NAALADL2: variants seen among roughly 807,000 people sequenced by gnomAD.
NAALADL2 encodes inactive N-acetylated-alpha-linked acidic dipeptidase-like protein 2.
Under a neutral mutation model 87.2 loss-of-function variants are expected in NAALADL2, and 76 were observed. The observed-to-expected ratio is 0.87, with a 90% CI of 0.72 to 1.05. NAALADL2 has a LOEUF of 1.05. NAALADL2 is among the 50% of genes least tolerant of loss of function. The pLI, the probability that NAALADL2 is intolerant of heterozygous loss-of-function variation, is 0.00. For missense variants in NAALADL2, 1,089 were observed against 945.8 expected (o/e 1.15, Z -1.99); for synonymous variants, 354 against 331.0 (o/e 1.07, Z -0.75).
intron 9 of NAALADL2, among the ~76,000 whole-genome samples, chr3:175,517,756 A>G (rs1732062412): frequency 6.6e-6 from 1 of 151,986 alleles, no homozygotes; most frequent in East Asian, 1.9e-4. Flanking sequence ...AAGAAAGATA[A>G]AGGAAAACGG....
chr3:174,954,580 T>C (rs1187076202), intron 1 of NAALADL2, among the ~76,000 whole-genome samples: 1 of 152,118 alleles, frequency 6.6e-6, no homozygotes, highest in African/African-American at 2.4e-5. Context: ...GTGTTTACAG[T>C]GAGACATATT....
chr3:175,481,648 C>T (rs1299679353), intron 9 of NAALADL2, among the ~76,000 whole-genome samples: 1 of 151,934 alleles, frequency 6.6e-6, no homozygotes, highest in Non-Finnish European at 1.5e-5. Flanking sequence ...CATACACAAG[C>T]ATGTTCAGGA....
At chr3:175,353,440 A>G (rs17205173) in intron 5 of NAALADL2, among the ~76,000 whole-genome samples, 16,726 of 152,256 alleles carry the variant, frequency 0.11, 1,202 homozygotes, top group Non-Finnish European at 0.16. Context: ...CAAAATCCTT[A>G]AAACCTAAAG....
chr3:175,221,253 G>T (rs1250401355), intron 2 of NAALADL2, among the ~76,000 whole-genome samples: 2 of 150,608 alleles, frequency 1.3e-5, no homozygotes, highest in African/African-American at 2.4e-5. Context: ...AGACTTATTG[G>T]TTATTTAGAA....
At chr3:175,784,459 C>A (rs1576817499) in intron 13 of NAALADL2, among the ~76,000 whole-genome samples, 1 of 140,544 alleles carries the variant, frequency 7.1e-6, no homozygotes, top group East Asian at 2.1e-4. Context: ...GGAATTTATC[C>A]ATTTCTTCTA....
intron 1 of NAALADL2, among the ~76,000 whole-genome samples, chr3:174,926,889 C>T (rs1736131132): frequency 6.6e-6 from 1 of 152,024 alleles, no homozygotes; most frequent in African/African-American, 2.4e-5. Context: ...CTAAATGCTG[C>T]AATTAAAAGA....
At chr3:174,946,718 G>A (rs530831237) in intron 1 of NAALADL2, among the ~76,000 whole-genome samples, 6 of 152,008 alleles carry the variant, frequency 3.9e-5, no homozygotes, top group African/African-American at 1.2e-4. Context: ...AGGGAAGAAC[G>A]GAGAAAGAGA....
intron 2 of NAALADL2, among the ~76,000 whole-genome samples, chr3:175,123,821 T>C (rs1448725742): frequency 6.6e-6 from 1 of 152,026 alleles, no homozygotes; most frequent in Non-Finnish European, 1.5e-5. Flanking sequence ...TATATTAGCA[T>C]TAAGCACTTA....
At chr3:175,240,759 G>A (rs531776880) in intron 3 of NAALADL2, among the ~76,000 whole-genome samples, 55 of 152,002 alleles carry the variant, frequency 3.6e-4, no homozygotes, top group Non-Finnish European at 6.6e-4. Flanking sequence ...AGGTTCAAGC[G>A]ATTCTCCTGG....
intron 3 of NAALADL2, among the ~76,000 whole-genome samples, chr3:174,800,300 GC>G (rs1718668682): frequency 6.6e-6 from 1 of 152,088 alleles, no homozygotes; most frequent in Non-Finnish European, 1.5e-5. Context: ...GAGTTTCTGT[GC>G]TGTATGCAGT....
At chr3:175,129,316 C>A (rs992040668) in intron 2 of NAALADL2, among the ~76,000 whole-genome samples, 2 of 152,122 alleles carry the variant, frequency 1.3e-5, no homozygotes, top group Admixed American at 1.3e-4. Flanking sequence ...GGTGAGAACA[C>A]TTACAATCTG....
At chr3:174,987,200 A>G (rs1239797198) in intron 1 of NAALADL2, among the ~76,000 whole-genome samples, 1 of 152,196 alleles carries the variant, frequency 6.6e-6, no homozygotes, top group Non-Finnish European at 1.5e-5. Flanking sequence ...AAAAATATGT[A>G]CATGCTTAAT....
At chr3:175,082,145 T>G (rs2109250612) in intron 1 of NAALADL2, among the ~76,000 whole-genome samples, 1 of 152,272 alleles carries the variant, frequency 6.6e-6, no homozygotes, top group African/African-American at 2.4e-5. Flanking sequence ...TCAGTGGCAA[T>G]TTGGGGATTC....
At chr3:175,629,679 CAT>C (rs1386943795) in intron 11 of NAALADL2, among the ~76,000 whole-genome samples, 1 of 151,600 alleles carries the variant, frequency 6.6e-6, no homozygotes, top group Non-Finnish European at 1.5e-5. Context: ...GAGGTATAAA[CAT>C]ATACTAATTC....
At chr3:174,729,399 A>G (rs1025060251) in intron 2 of NAALADL2, among the ~76,000 whole-genome samples, 1 of 152,050 alleles carries the variant, frequency 6.6e-6, no homozygotes, top group Non-Finnish European at 1.5e-5. Flanking sequence ...TTGCTCAAGG[A>G]CACACTGTTA....
rs1380334774 is a variant in NAALADL2, at chr3:175,808,497, T to C, written c.*5294T>C. The C allele has an allele frequency of 6.6e-6, 1 of 151,992 alleles. No homozygotes were observed. The highest frequency in any genetic ancestry group is 1.5e-5 in the Non-Finnish European group (1 of 67,954). 9.4% of individuals were successfully genotyped at this position (151,992 alleles called of 1,614,324 possible). On this transcript the variant is annotated 3_prime_UTR_variant, in exon 14 of 14. Coordinates refer to ENST00000454872, the MANE Select transcript of NAALADL2 (RefSeq NM_207015.3). Reference sequence around the variant, plus strand: ...CAGTCAAGACTTAACTCAGAGGCAGTTGATTCAGTGCTTACATCTAGACAA... The same window carrying C: ...CAGTCAAGACTTAACTCAGAGGCAGCTGATTCAGTGCTTACATCTAGACAA...
intron 5 of NAALADL2, among the ~76,000 whole-genome samples, chr3:175,406,489 T>C (rs773797325): frequency 6.6e-6 from 1 of 152,320 alleles, no homozygotes; most frequent in East Asian, 1.9e-4. Flanking sequence ...TAAATAACTT[T>C]AGTCTTGCAG....
intron 9 of NAALADL2, among the ~76,000 whole-genome samples, chr3:175,533,702 C>G (rs868107898): frequency 1.3e-5 from 2 of 152,186 alleles, no homozygotes; most frequent in African/African-American, 4.8e-5. Flanking sequence ...CGAGGCTGTG[C>G]GTGCACCTTT....
intron 3 of NAALADL2, among the ~76,000 whole-genome samples, chr3:174,747,953 T>C (rs1310082365): frequency 6.6e-6 from 1 of 152,094 alleles, no homozygotes; most frequent in Admixed American, 6.6e-5. Context: ...AAATATGGTA[T>C]ATTTACACCA....
Sources: gnomAD v4.1 joint callset for allele counts (sites outside exome capture counted in the v4.1 genomes callset) on GRCh38, gnomAD v4.1.1 for gene constraint, MANE v1.5 for transcripts, NCBI Gene and HGNC (gene_info 2026-07-23, HGNC 2026-07-21) for gene names.